Variants in TPD52 observed in about 807,000 individuals in gnomAD.
The protein encoded by TPD52 is tumor protein D52.
Under a neutral mutation model 31.3 loss-of-function variants are expected in TPD52, and 17 were observed. That is an observed-to-expected ratio of 0.54 (90% CI 0.37 to 0.82). The LOEUF is 0.82. TPD52 is among the 40% of genes least tolerant of loss of function. The probability of loss-of-function intolerance (pLI) is 0.00; values close to 1 mark genes in which losing one functional copy is unlikely to be tolerated. For synonymous variants in TPD52, 83 were observed against 89.6 expected, an observed-to-expected ratio of 0.93 and a Z score of 0.42; for missense variants, 212 against 240.1, an observed-to-expected ratio of 0.88 and a Z score of 0.77.
intron 5 of TPD52, among the ~76,000 whole-genome samples, chr8:80,046,567 A>G (rs767854721): frequency 6.6e-6 from 1 of 152,198 alleles, no homozygotes; most frequent in Non-Finnish European, 1.5e-5. Context: ...AACCTTCAAA[A>G]GTAAAAAGTC....
intron 1 of TPD52, among the ~76,000 whole-genome samples, chr8:80,129,420 A>T (rs576524820): frequency 6.6e-6 from 1 of 152,322 alleles, no homozygotes; most frequent in South Asian, 2.1e-4. Context: ...CAAGCATTAC[A>T]AATCTGCTAA....
intron 1 of TPD52, among the ~76,000 whole-genome samples, chr8:80,142,024 C>G (rs910759434): frequency 2.7e-5 from 3 of 112,472 alleles, no homozygotes; most frequent in Non-Finnish European, 5.4e-5. Flanking sequence ...CTGGAATGTT[C>G]TTCCCTAGGT....
intron 1 of TPD52, chr8:80,158,906 T>C (rs1232413174): frequency 3.3e-5 from 4 of 120,688 alleles, no homozygotes; most frequent in Non-Finnish European, 4.7e-5. Context: ...ATCCCGCCAC[T>C]GCACTCCAGC....
At chr8:80,054,748 A>T (rs2130571111) in intron 2 of TPD52, among the ~76,000 whole-genome samples, 1 of 151,700 alleles carries the variant, frequency 6.6e-6, no homozygotes, top group African/African-American at 2.4e-5. Flanking sequence ...TGCCAAGAAA[A>T]AAAAAAAAAG....
chr8:80,054,538 C>T (rs1481849133), intron 2 of TPD52, among the ~76,000 whole-genome samples: 1 of 152,094 alleles, frequency 6.6e-6, no homozygotes, highest in African/African-American at 2.4e-5. Context: ...CAGAGAAATG[C>T]GTCTCCTGGC....
Position 80,053,038 on chromosome 8 carries a change from T to C in TPD52, c.284+244A>G, listed in dbSNP as rs573418941. 3.5e-5 allele frequency: 13 copies of C among 371,250 alleles called. No homozygotes were observed. In the South Asian group the frequency reaches 3.6e-4, roughly 10 times the overall value. The allele number at this position is 371,250 out of a possible 1,614,324, so 23.0% of individuals were successfully genotyped here. On this transcript the variant is annotated intron_variant, in intron 3 of 7. Coordinates refer to ENST00000518937, the MANE Select transcript of TPD52 (RefSeq NM_001025253.3). The stretch of plus-strand genomic sequence containing the variant: ...GTGGCAAGTCAATACATAACACTTA[T>C]GGGATTTGAATTTTATTTCTCCAAC...
intron 1 of TPD52, among the ~76,000 whole-genome samples, chr8:80,134,164 G>A (rs1392143650): frequency 2.0e-5 from 3 of 152,134 alleles, no homozygotes; most frequent in Non-Finnish European, 2.9e-5. Context: ...TTAAGTAATT[G>A]TAGCTGTTAA....
At chr8:80,078,780 C>T (rs1445118509) in intron 1 of TPD52, among the ~76,000 whole-genome samples, 1 of 152,166 alleles carries the variant, frequency 6.6e-6, no homozygotes, top group South Asian at 2.1e-4. Context: ...CAGGTTCCTT[C>T]GAACAGCTAA....
At chr8:80,041,577 C>T (rs1810385600) in intron 7 of TPD52, among the ~76,000 whole-genome samples, 1 of 152,012 alleles carries the variant, frequency 6.6e-6, no homozygotes, top group Non-Finnish European at 1.5e-5. Flanking sequence ...TTGAGGTTGC[C>T]TGTGATCCTA....
intron 1 of TPD52, among the ~76,000 whole-genome samples, chr8:80,116,449 TGACTCAAGAATAAACAGAAAATCTGAAAA>T (rs61548617): frequency 0.43 from 65,659 of 151,760 alleles, 14,817 homozygotes; most frequent in East Asian, 0.78. Flanking sequence ...ATCCTGAAAT[TGACTCAAGAATAAACAGAAAATCTGAAAA>T]GACCTCTAAC....
intron 1 of TPD52, among the ~76,000 whole-genome samples, chr8:80,155,878 C>T (rs888854548): frequency 7.1e-6 from 1 of 140,668 alleles, no homozygotes; most frequent in Non-Finnish European, 1.5e-5. Context: ...AGGAAAACTT[C>T]ATCTCAAAAA....
chr8:80,085,894 A>G (rs1815712938), intron 1 of TPD52, among the ~76,000 whole-genome samples: 1 of 152,128 alleles, frequency 6.6e-6, no homozygotes, highest in African/African-American at 2.4e-5. Flanking sequence ...GCTGAGATCA[A>G]GTGTAGTAAC....
At chr8:80,091,377 G>A (rs1190228709) in intron 1 of TPD52, among the ~76,000 whole-genome samples, 2 of 151,882 alleles carry the variant, frequency 1.3e-5, no homozygotes, top group Admixed American at 6.6e-5. Flanking sequence ...GCTGAGGCAG[G>A]AGAATGGCCT....
chr8:80,085,978 G>A (rs1029939694), intron 1 of TPD52, among the ~76,000 whole-genome samples: 3 of 151,990 alleles, frequency 2.0e-5, no homozygotes, highest in African/African-American at 4.8e-5. Context: ...CAGATGGACC[G>A]CTCTGAATAC....
At chr8:80,166,260 C>T (rs1003148870) in intron 1 of TPD52, among the ~76,000 whole-genome samples, 3 of 152,066 alleles carry the variant, frequency 2.0e-5, no homozygotes, top group African/African-American at 7.2e-5. Context: ...TTGCAGTGAG[C>T]CAAATTGGTG....
In TPD52 at chr8:80,036,768, A is replaced by C. The variant is rs188773630; in HGVS notation, c.*1348T>G. On this transcript the variant is annotated 3_prime_UTR_variant, in exon 8 of 8. Coordinates refer to ENST00000518937, the MANE Select transcript of TPD52 (RefSeq NM_001025253.3). ...AGATAATTTATACTGAAGTAAATCTAGCCATGCTTTTAAAAAATGCTTTAG... is the reference window on the plus strand; with the variant it reads ...AGATAATTTATACTGAAGTAAATCTCGCCATGCTTTTAAAAAATGCTTTAG... The C allele has an allele frequency of 2.1e-3, 324 of 152,786 alleles. No homozygotes were observed. The highest frequency in any genetic ancestry group is 4.0e-3 in the Non-Finnish European group (270 of 68,024). 9.5% of individuals were successfully genotyped at this position (152,786 alleles called of 1,614,324 possible).
chr8:80,069,250 G>C lies in TPD52; in HGVS notation c.20-4657C>G, dbSNP rs142415965. Among the ~76,000 whole-genome samples the C allele has an allele frequency of 9.1e-3, 1,379 of 152,194 alleles. 16 individuals carry two copies. Among genetic ancestry groups the C allele is most frequent in the African/African-American group, 0.032 (1,324 of 41,534 alleles). ...AGGCCAAGGTGGGAGGATCACTTGA[G>C]CCCAGGAGTTCGAGACCAGCCTAGG... On this transcript the variant is annotated intron_variant, in intron 1 of 7. Coordinates refer to ENST00000518937, the MANE Select transcript of TPD52 (RefSeq NM_001025253.3).
intron 5 of TPD52, 127 bp downstream of exon 5, chr8:80,050,318 A>C (rs1811235309): frequency 2.5e-6 from 2 of 810,550 alleles, no homozygotes; most frequent in South Asian, 2.4e-5. Flanking sequence ...AGAGAAAAAG[A>C]TACTCTAAAC....
rs974584303 is a variant in TPD52 at position 80,035,139 on chromosome 8, C to A, written c.*2977G>T. On this transcript the variant is annotated 3_prime_UTR_variant, in exon 8 of 8. Transcript: ENST00000518937. ...AGGACTAATCAATGGCCAAATGTTT[C>A]TTCACTATGGGCAAAAATGTGATTT... 1.3e-5 allele frequency: 2 copies of A among 152,222 alleles called. No homozygotes were observed. Among genetic ancestry groups the A allele is most frequent in the Non-Finnish European group, 2.9e-5 (2 of 68,036 alleles). The allele number at this position is 152,222 out of a possible 1,614,324, so 9.4% of individuals were successfully genotyped here. A position where few individuals can be genotyped will look rare whatever the true frequency, so the allele number is the denominator to read the frequency against.
Sources: allele counts gnomAD v4.1 joint callset (sites outside exome capture counted in the v4.1 genomes callset), GRCh38; gene constraint gnomAD v4.1.1; transcripts MANE v1.5; gene names NCBI Gene and HGNC (gene_info 2026-07-23, HGNC 2026-07-21).